The following ADAM19 variants were observed in gnomAD, a reference collection of about 807,000 sequenced individuals.
ADAM19 encodes disintegrin and metalloproteinase domain-containing protein 19.
Under a neutral mutation model 114.7 loss-of-function variants are expected in ADAM19, and 65 were observed. The ratio of observed to expected loss-of-function variants is 0.57; its 90% confidence interval spans 0.46 to 0.70. ADAM19 has a LOEUF of 0.70. Among genes scored for constraint, ADAM19 ranks in the 30% least tolerant of loss-of-function variants. The pLI, the probability that ADAM19 is intolerant of heterozygous loss-of-function variation, is 0.00. For synonymous variants in ADAM19, 466 were observed against 460.5 expected, an observed-to-expected ratio of 1.01 and a Z score of -0.15; for missense variants, 1,063 against 1,204.7, an observed-to-expected ratio of 0.88 and a Z score of 1.74.
intron 3 of ADAM19, among the ~76,000 whole-genome samples, chr5:157,548,468 G>T (rs1757106235): frequency 6.6e-6 from 1 of 152,300 alleles, no homozygotes; most frequent in East Asian, 1.9e-4. Context: ...TCAATGAGTA[G>T]TCCAGAACTC....
intron 21 of ADAM19, among the ~76,000 whole-genome samples, chr5:157,482,744 G>A (rs936169498): frequency 6.6e-6 from 1 of 152,090 alleles, no homozygotes; most frequent in Non-Finnish European, 1.5e-5. Context: ...CTACTATAAA[G>A]ACACATGTAC....
In ADAM19 at chr5:157,537,996, A is replaced by G. The variant is rs769289375; in HGVS notation, c.252-5T>C. On this transcript the variant is annotated splice_region_variant and splice_polypyrimidine_tract_variant and intron_variant, in intron 3 of 22. Transcript: ENST00000257527. The stretch of plus-strand genomic sequence containing the variant: ...TAGGAAGGAGCAAAAAGTTGCCTGC[A>G]AAAAATAAAAAGAGACATTTATATC... The G allele has an allele frequency of 1.9e-6, 3 of 1,611,842 alleles. No homozygotes were observed. In the South Asian group the frequency reaches 3.3e-5, roughly 18 times the overall value.
intron 14 of ADAM19, among the ~76,000 whole-genome samples, chr5:157,495,175 A>AT (rs1342724249): frequency 1.3e-4 from 20 of 151,270 alleles, no homozygotes; most frequent in African/African-American, 2.9e-4. Context: ...TTATTTATTT[A>AT]TTTTTTTTGT....
At chr5:157,519,795 C>A (rs11465284) in intron 6 of ADAM19, 44 bp downstream of exon 6, 187,720 of 1,553,470 alleles carry the variant, frequency 0.12, 11,814 homozygotes, top group South Asian at 0.17. Context: ...AGGGGACAAG[C>A]CTGTCCCCAG....
intron 3 of ADAM19, among the ~76,000 whole-genome samples, chr5:157,554,096 T>C (rs1757279350): frequency 1.3e-5 from 2 of 152,230 alleles, no homozygotes; most frequent in Admixed American, 1.3e-4. Context: ...CATAGGGATT[T>C]TTAAAATCTA....
intron 14 of ADAM19, among the ~76,000 whole-genome samples, chr5:157,495,932 T>TA (rs1755348617): frequency 4.2e-5 from 5 of 118,414 alleles, no homozygotes; most frequent in Admixed American, 9.7e-5. Flanking sequence ...CTGTGCCCAG[T>TA]CTTTTTTTTT....
chr5:157,514,144 G>T (rs1244046498), intron 7 of ADAM19, among the ~76,000 whole-genome samples: 3 of 152,146 alleles, frequency 2.0e-5, no homozygotes, highest in African/African-American at 7.2e-5. Context: ...AACCTGCCGG[G>T]AAAACGTGCA....
chr5:157,519,481 C>T (rs1165204916), intron 6 of ADAM19, among the ~76,000 whole-genome samples: 3 of 152,122 alleles, frequency 2.0e-5, no homozygotes, highest in Non-Finnish European at 1.5e-5. Context: ...GATGGGGTTT[C>T]GCCATGTTGC....
intron 21 of ADAM19, among the ~76,000 whole-genome samples, chr5:157,486,602 TG>T (rs1225251804): frequency 1.5e-4 from 23 of 152,212 alleles, no homozygotes; most frequent in African/African-American, 5.3e-4. Flanking sequence ...GGGGTGAGGC[TG>T]GCCCCGTGTT....
chr5:157,516,010 C>T (rs1053892300), intron 7 of ADAM19, among the ~76,000 whole-genome samples: 3 of 152,216 alleles, frequency 2.0e-5, no homozygotes, highest in African/African-American at 7.2e-5. Context: ...TTCTGCTCTG[C>T]ATTCAGAGCC....
chr5:157,548,641 C>T (rs1222022318), intron 3 of ADAM19, among the ~76,000 whole-genome samples: 2 of 152,168 alleles, frequency 1.3e-5, no homozygotes, highest in Admixed American at 6.5e-5. Context: ...CTGTGTATGT[C>T]ACTGAGTTCT....
chr5:157,493,048 G>A lies in ADAM19; in HGVS notation c.1833C>T (p.Tyr611=), dbSNP rs1194333689. The A allele has an allele frequency of 7.4e-6, 12 of 1,614,224 alleles. No homozygotes were observed. The highest frequency in any genetic ancestry group is 1.6e-4 in the Middle Eastern group (1 of 6,062). ...TGTCACCCTCCTCCTCAGGACCTCG[G>A]TAGACGTGGGTGCCCCGGCACTGGA... ...RQIQCRGTHV[Y]RGPEEEGDML... is the part of the protein sequence containing the mutation. The change falls in exon 16 of 23, where the codon TAC becomes TAT. Residue 611 remains tyrosine, a synonymous_variant. Coordinates refer to ENST00000257527, the MANE Select transcript of ADAM19 (RefSeq NM_033274.5).
At chr5:157,530,701 T>C in intron 5 of ADAM19, 106 bp downstream of exon 5, 1 of 953,702 alleles carries the variant, frequency 1.0e-6, no homozygotes, top group Non-Finnish European at 1.7e-6. Context: ...TTGCACACAT[T>C]CTCAATGGAC....
At position 157,480,523 on chromosome 5, in the gene ADAM19, G is replaced by A. The variant is rs1029111860; in HGVS notation, c.*426C>T. 6.9e-6 allele frequency: 7 copies of A among 1,010,232 alleles called. No homozygotes were observed. Among genetic ancestry groups the A allele is most frequent in the Non-Finnish European group, 8.3e-6 (7 of 845,402 alleles). 62.6% of individuals were successfully genotyped at this position (1,010,232 alleles called of 1,614,324 possible). ...AGCCTCCATCCAGCCCGGGACCTCT[G>A]AGGAGAGCAGAAGCAATGGGAAGCT... On this transcript the variant is annotated 3_prime_UTR_variant, in exon 23 of 23. Coordinates refer to ENST00000257527, the MANE Select transcript of ADAM19 (RefSeq NM_033274.5).
intron 5 of ADAM19, among the ~76,000 whole-genome samples, chr5:157,525,368 C>G (rs1437295961): frequency 6.6e-6 from 1 of 152,174 alleles, no homozygotes; most frequent in East Asian, 1.9e-4. Context: ...TGAGACTCTG[C>G]CCAACCTCTC....
intron 8 of ADAM19, among the ~76,000 whole-genome samples, chr5:157,511,025 C>A (rs1254637965): frequency 6.6e-6 from 1 of 152,210 alleles, no homozygotes. Flanking sequence ...CAAGATCTGA[C>A]TCGACCTCCT....
At position 157,481,936 on chromosome 5, in the gene ADAM19, G is replaced by A. The variant is rs961221137; in HGVS notation, c.2558C>T (p.Ser853Phe). 4 of 1,600,506 alleles carry A rather than the reference G, an allele frequency of 2.5e-6. No individual in the cohort carries two copies. Among genetic ancestry groups the A allele is most frequent in the Admixed American group, 3.4e-5 (2 of 58,646 alleles). ...TGCCTTCTGGGGCGGCCGAGGCCTG[G>A]AGAAGTCCTGGAGAGAAAGCAATAA... ...APNCIVSQDFSRPRPPQKALP... is the reference protein window; with the variant it reads ...APNCIVSQDFFRPRPPQKALP... Residue 853 changes from serine (S) to phenylalanine (F), a missense_variant, in exon 22 of 23, where the codon TCC (serine) becomes TTC (phenylalanine). Ser to Phe is a radical substitution (Grantham distance 155). This residue lies in a region of ADAM19 where 424 missense variants were observed against 445.5 expected (regional missense o/e 0.95). Coordinates refer to ENST00000257527, the MANE Select transcript of ADAM19 (RefSeq NM_033274.5).
At chr5:157,487,033 T>G (rs1754958066) in intron 21 of ADAM19, among the ~76,000 whole-genome samples, 1 of 151,946 alleles carries the variant, frequency 6.6e-6, no homozygotes, top group Non-Finnish European at 1.5e-5. Flanking sequence ...GAGAGAGGCT[T>G]CAGAAATCAA....
At chr5:157,488,545 G>A (rs1755031978) in intron 20 of ADAM19, 56 bp from the exon 21 acceptor site, 4 of 1,403,402 alleles carry the variant, frequency 2.9e-6, no homozygotes. Context: ...GGCTGGCCTT[G>A]TGTGTCTCTT....
Sources: gnomAD v4.1 joint callset for allele counts (sites outside exome capture counted in the v4.1 genomes callset) on GRCh38, gnomAD v4.1.1 for gene constraint, gnomAD v4.1.1 regional missense constraint, MANE v1.5 for transcripts, NCBI Gene and HGNC (gene_info 2026-07-23, HGNC 2026-07-21) for gene names.